The following PSD3 variants were observed in gnomAD, a reference collection of about 807,000 sequenced individuals.
The protein encoded by PSD3 is PH and SEC7 domain-containing protein 3.
A neutral mutation model predicts 105.5 loss-of-function variants in PSD3; 49 were observed. The ratio of observed to expected loss-of-function variants is 0.46; its 90% CI spans 0.37 to 0.59. The LOEUF (loss-of-function observed/expected upper bound fraction) is 0.59, where lower values mean the gene tolerates loss of function less well. Ranked by LOEUF, PSD3 falls within the 20% of genes least tolerant of loss-of-function variation. The pLI, the probability that PSD3 is intolerant of heterozygous loss-of-function variation, is 0.00. For synonymous variants in PSD3, 557 were observed against 457.8 expected (o/e 1.22, Z -2.77); for missense variants, 1,561 against 1,263.8 (o/e 1.24, Z -3.57).
At chr8:19,002,566 C>G (rs1361092805) in intron 1 of PSD3, among the ~76,000 whole-genome samples, 2 of 151,546 alleles carry the variant, frequency 1.3e-5, no homozygotes, top group Non-Finnish European at 2.9e-5. Flanking sequence ...TAGAAAAACA[C>G]TGAAAGTTAA....
intron 8 of PSD3, among the ~76,000 whole-genome samples, chr8:18,775,905 C>G (rs1808019041): frequency 6.6e-6 from 1 of 152,124 alleles, no homozygotes; most frequent in African/African-American, 2.4e-5. Context: ...CCGCCGACCC[C>G]CTGCAAAATC....
At chr8:18,971,931 G>GGAGGCA (rs1824677252) in intron 1 of PSD3, among the ~76,000 whole-genome samples, 1 of 152,060 alleles carries the variant, frequency 6.6e-6, no homozygotes, top group Non-Finnish European at 1.5e-5. Context: ...CTTGAGCCTG[G>GGAGGCA]GAGGCAGAGG....
At chr8:18,916,341 T>TAC (rs1820597292) in intron 2 of PSD3, among the ~76,000 whole-genome samples, 13 of 44,892 alleles carry the variant, frequency 2.9e-4, no homozygotes, top group African/African-American at 4.8e-4. Context: ...TATATATATA[T>TAC]ATATATATAC....
intron 11 of PSD3, among the ~76,000 whole-genome samples, chr8:18,621,525 T>C (rs150707604): frequency 7.5e-4 from 115 of 152,324 alleles, no homozygotes; most frequent in Admixed American, 1.0e-3. Flanking sequence ...TGTAAAAACC[T>C]AGAACTTAAT....
upstream of PSD3, among the ~76,000 whole-genome samples, chr8:19,017,313 T>G (rs539174288): frequency 3.8e-4 from 58 of 152,198 alleles, no homozygotes; most frequent in African/African-American, 1.4e-3. Flanking sequence ...CCTCCCAAAG[T>G]GTTGGGATTA....
At chr8:18,823,773 AACACACTCACACACACACAC>A (rs1471317053) in intron 4 of PSD3, among the ~76,000 whole-genome samples, 2,819 of 134,812 alleles carry the variant, frequency 0.021, 102 homozygotes, top group African/African-American at 0.069. Flanking sequence ...CTTTATCTTA[AACACACTCACACACACACAC>A]ACACACACAC....
chr8:18,590,484 A>C (rs1803519203), intron 12 of PSD3, among the ~76,000 whole-genome samples: 4 of 152,220 alleles, frequency 2.6e-5, no homozygotes, highest in African/African-American at 9.6e-5. Flanking sequence ...CCCATATGTC[A>C]ATAATACACT....
intron 1 of PSD3, chr8:19,000,729 G>A (rs6994627): frequency 0.32 from 48,642 of 151,720 alleles, 8,459 homozygotes; most frequent in East Asian, 0.4. Context: ...AAAGTGATCA[G>A]GCCAGAAATC....
intron 4 of PSD3, among the ~76,000 whole-genome samples, chr8:18,828,759 G>C (rs11774365): frequency 0.34 from 50,786 of 151,358 alleles, 8,977 homozygotes; most frequent in African/African-American, 0.42. Flanking sequence ...CCAGAAGTTT[G>C]AGATCAGCCT....
intron 1 of PSD3, among the ~76,000 whole-genome samples, chr8:18,962,604 C>T (rs559501778): frequency 6.6e-6 from 1 of 152,298 alleles, no homozygotes; most frequent in South Asian, 2.1e-4. Flanking sequence ...TAGAGTTATT[C>T]CAATTCACTA....
chr8:18,942,674 C>T (rs1354676492), intron 1 of PSD3, among the ~76,000 whole-genome samples: 2 of 152,180 alleles, frequency 1.3e-5, no homozygotes, highest in Admixed American at 6.5e-5. Context: ...CATGTGAAGA[C>T]ACAGGGAGAA....
chr8:18,643,936 G>C (rs1415509804), intron 10 of PSD3, among the ~76,000 whole-genome samples: 2 of 152,232 alleles, frequency 1.3e-5, no homozygotes, highest in Non-Finnish European at 2.9e-5. Context: ...GCTGTAGCTA[G>C]GCCGGCTTAC....
At chr8:18,842,895 G>A (rs13273408) in intron 4 of PSD3, among the ~76,000 whole-genome samples, 9,945 of 152,188 alleles carry the variant, frequency 0.065, 405 homozygotes, top group South Asian at 0.14. Context: ...TTCCTCAGAA[G>A]TTCCCTCTTG....
At chr8:18,797,342 G>A (rs17127216) in intron 8 of PSD3, among the ~76,000 whole-genome samples, 6 of 151,972 alleles carry the variant, frequency 3.9e-5, no homozygotes, top group African/African-American at 7.3e-5. Context: ...ATTTTGCCAC[G>A]ACTGCCAATT....
rs1234770992 is a variant in PSD3 at position 18,988,311 on chromosome 8, G to A, written c.21+25252C>T. Among the ~76,000 whole-genome samples the A allele has an allele frequency of 3.9e-5, 6 of 152,184 alleles. No individual in the cohort carries two copies. The East Asian group carries it at 9.6e-4, about 24-fold the overall frequency. On this transcript the variant is annotated intron_variant, in intron 1 of 15. Coordinates refer to ENST00000327040, the MANE Select transcript of PSD3 (RefSeq NM_015310.4). ...AGGGAATGAAAGGAAAAGCACGAAA[G>A]CCCTATTCCCAAACTGCGAATAAGA...
chr8:18,588,030 A>G (rs1286970952), intron 12 of PSD3, among the ~76,000 whole-genome samples: 4 of 152,138 alleles, frequency 2.6e-5, no homozygotes, highest in African/African-American at 9.7e-5. Context: ...CCCTTAACAC[A>G]TGCTACAACC....
intron 1 of PSD3, among the ~76,000 whole-genome samples, chr8:18,960,810 G>A (rs1442713331): frequency 6.6e-6 from 1 of 152,042 alleles, no homozygotes. Context: ...GACAGGCTGG[G>A]CACAGTGGCT....
chr8:18,659,240 T>C (rs1341126563), intron 9 of PSD3, among the ~76,000 whole-genome samples: 1 of 152,166 alleles, frequency 6.6e-6, no homozygotes, highest in Non-Finnish European at 1.5e-5. Context: ...AATTAAACAA[T>C]AGAACAAATT....
intron 9 of PSD3, among the ~76,000 whole-genome samples, chr8:18,678,114 G>A (rs906918800): frequency 2.6e-5 from 4 of 152,008 alleles, no homozygotes; most frequent in African/African-American, 7.2e-5. Flanking sequence ...TAACATAGGA[G>A]AGCCAAGAAA....
Sources: gnomAD v4.1 joint callset for allele counts (sites outside exome capture counted in the v4.1 genomes callset) on GRCh38, gnomAD v4.1.1 for gene constraint, MANE v1.5 for transcripts, NCBI Gene and HGNC (gene_info 2026-07-23, HGNC 2026-07-21) for gene names.